SORCS1: variants seen among roughly 807,000 people sequenced by gnomAD.
SORCS1 encodes sortilin related VPS10 domain containing receptor 1, also known as VPS10 domain-containing receptor SorCS1.
In SORCS1, 60 loss-of-function variants were observed where a neutral mutation model predicts 146.1. That is an observed-to-expected ratio of 0.41 (90% confidence interval 0.33 to 0.51). SORCS1 has a LOEUF of 0.51. Among genes scored for constraint, SORCS1 ranks in the 20% least tolerant of loss-of-function variants. SORCS1 has a pLI of 0.21. For missense variants in SORCS1, 1,352 were observed against 1,487.6 expected, an observed-to-expected ratio of 0.91 and a Z score of 1.50; for synonymous variants, 637 against 584.0, an observed-to-expected ratio of 1.09 and a Z score of -1.31.
chr10:107,141,187 G>A (rs1418942471), intron 1 of SORCS1, among the ~76,000 whole-genome samples: 1 of 152,152 alleles, frequency 6.6e-6, no homozygotes, highest in African/African-American at 2.4e-5. Flanking sequence ...AAAGGTGTCT[G>A]GCAAAAACCC....
intron 1 of SORCS1, among the ~76,000 whole-genome samples, chr10:107,047,019 C>T (rs1362218362): frequency 2.0e-5 from 3 of 152,038 alleles, no homozygotes; most frequent in African/African-American, 4.8e-5. Context: ...GATGGAATCT[C>T]GCTCTATTGT....
At chr10:106,938,320 C>G (rs1953858633) in intron 2 of SORCS1, among the ~76,000 whole-genome samples, 1 of 152,154 alleles carries the variant, frequency 6.6e-6, no homozygotes. Flanking sequence ...TGATCTTTGC[C>G]CTACTACAAC....
At chr10:107,102,950 A>T (rs1965036180) in intron 1 of SORCS1, among the ~76,000 whole-genome samples, 1 of 152,100 alleles carries the variant, frequency 6.6e-6, no homozygotes, top group Non-Finnish European at 1.5e-5. Flanking sequence ...GCTTGCTATC[A>T]ATCTTCCGTC....
chr10:106,975,555 G>A (rs1955957450), intron 1 of SORCS1, among the ~76,000 whole-genome samples: 1 of 152,202 alleles, frequency 6.6e-6, no homozygotes, highest in African/African-American at 2.4e-5. Context: ...CCCTGAGGGA[G>A]AAAAAGAAAT....
At chr10:106,810,351 G>A (rs1947395927) in intron 3 of SORCS1, among the ~76,000 whole-genome samples, 1 of 152,174 alleles carries the variant, frequency 6.6e-6, no homozygotes, top group Non-Finnish European at 1.5e-5. Context: ...AATGATATAT[G>A]TTAGAATTTA....
At position 106,936,974 on chromosome 10, in the gene SORCS1, G is replaced by A. The variant is rs371704509; in HGVS notation, c.626+19539C>T. ...AACTAGCATATATGTGTCCACTCCA[G>A]TCTAAAATGCAGAAGTACTAATAAC... is the stretch of plus-strand genomic sequence containing the variant. On this transcript the variant is annotated intron_variant, in intron 2 of 25. Coordinates refer to ENST00000263054, the MANE Select transcript of SORCS1 (RefSeq NM_052918.5). 1.1e-4 allele frequency among the ~76,000 whole-genome samples: 16 copies of A among 152,098 alleles called. No homozygotes were observed. The East Asian group carries it at 1.9e-3, about 18-fold the overall frequency.
chr10:106,750,886 C>G (rs1244942005), intron 5 of SORCS1, among the ~76,000 whole-genome samples: 1 of 149,814 alleles, frequency 6.7e-6, no homozygotes, highest in Non-Finnish European at 1.5e-5. Context: ...GGTGAAACCC[C>G]CTCTCTACTA....
intron 17 of SORCS1, among the ~76,000 whole-genome samples, chr10:106,654,212 T>A (rs780214518): frequency 7.9e-5 from 12 of 152,238 alleles, no homozygotes; most frequent in Non-Finnish European, 1.6e-4. Context: ...TACTATGTCC[T>A]AGTTATTGTG....
chr10:106,856,826 T>C (rs1392907402), intron 2 of SORCS1, among the ~76,000 whole-genome samples: 2 of 152,220 alleles, frequency 1.3e-5, no homozygotes, highest in Non-Finnish European at 2.9e-5. Flanking sequence ...AAGTTTCTGC[T>C]TGTTGAGTTT....
chr10:107,020,264 A>G (rs1264354761), intron 1 of SORCS1, among the ~76,000 whole-genome samples: 2 of 152,258 alleles, frequency 1.3e-5, no homozygotes, highest in East Asian at 3.8e-4. Context: ...TCCTTTCTTT[A>G]GAATTGCATG....
intron 1 of SORCS1, among the ~76,000 whole-genome samples, chr10:107,019,593 T>G (rs1028711249): frequency 2.6e-5 from 4 of 152,214 alleles, no homozygotes; most frequent in Non-Finnish European, 5.9e-5. Flanking sequence ...TGATGCATAG[T>G]TCAGTCTCTG....
intron 1 of SORCS1, among the ~76,000 whole-genome samples, chr10:107,019,618 C>T (rs1201995681): frequency 3.3e-5 from 5 of 152,216 alleles, no homozygotes; most frequent in African/African-American, 1.2e-4. Context: ...CTCCTTCTAG[C>T]AGGCAACCCA....
intron 3 of SORCS1, among the ~76,000 whole-genome samples, chr10:106,806,384 A>AAAATAAAATAAAAT: frequency 7.2e-6 from 1 of 139,720 alleles, no homozygotes; most frequent in Non-Finnish European, 1.5e-5. Context: ...AAAATAAAAT[A>AAAATAAAATAAAAT]AAAATAAAAT....
chr10:106,646,676 G>A (rs145116861), intron 18 of SORCS1, among the ~76,000 whole-genome samples: 10,079 of 152,044 alleles, frequency 0.066, 432 homozygotes, highest in Middle Eastern at 0.11. Flanking sequence ...CAGCCTGGGC[G>A]ACAGAGTGAG....
intron 2 of SORCS1, among the ~76,000 whole-genome samples, chr10:106,932,372 T>C (rs759737985): frequency 5.3e-5 from 8 of 152,120 alleles, no homozygotes; most frequent in Non-Finnish European, 1.2e-4. Context: ...CAAATCCCCC[T>C]TTCCTGAAGC....
upstream of SORCS1, among the ~76,000 whole-genome samples, chr10:107,169,050 A>G (rs1970107391): frequency 6.6e-6 from 1 of 152,172 alleles, no homozygotes; most frequent in Admixed American, 6.5e-5. Flanking sequence ...AGAGAATGTT[A>G]TAACCACTCC....
intron 2 of SORCS1, among the ~76,000 whole-genome samples, chr10:106,889,888 TAAAAAA>T (rs772421907): frequency 5.6e-5 from 4 of 71,668 alleles, no homozygotes; most frequent in East Asian, 4.3e-4. Flanking sequence ...ACGTCTCAAA[TAAAAAA>T]AAAAAAAAAA....
At chr10:107,174,348 G>A in the SORCS1 span, among the ~76,000 whole-genome samples, 2 of 152,042 alleles carry the variant, frequency 1.3e-5, no homozygotes, top group East Asian at 3.9e-4. Context: ...TGGGACTACA[G>A]GCGCCCGCCA....
chr10:107,135,960 T>C (rs1356548488), intron 1 of SORCS1, among the ~76,000 whole-genome samples: 1 of 152,214 alleles, frequency 6.6e-6, no homozygotes, highest in African/African-American at 2.4e-5. Context: ...ATGGTTGTTA[T>C]AGCAACTGAA....
Sources: gnomAD v4.1 joint callset for allele counts (sites outside exome capture counted in the v4.1 genomes callset) on GRCh38, gnomAD v4.1.1 for gene constraint, MANE v1.5 for transcripts, NCBI Gene and HGNC (gene_info 2026-07-23, HGNC 2026-07-21) for gene names.